PMM1: variants seen among roughly 807,000 people sequenced by gnomAD.
PMM1 encodes phosphomannomutase 1, also known as brain glucose-1,6-bisphosphatase.
A neutral mutation model predicts 34.0 loss-of-function variants in PMM1; 25 were observed. That is an observed-to-expected ratio of 0.73 (90% CI 0.54 to 1.03). The LOEUF (loss-of-function observed/expected upper bound fraction) is 1.03. Ranked by LOEUF, PMM1 falls within the 50% of genes least tolerant of loss-of-function variation. The pLI is 0.00. For missense variants in PMM1, 321 were observed against 350.1 expected, an observed-to-expected ratio of 0.92 and a Z score of 0.66; for synonymous variants, 134 against 143.9, an observed-to-expected ratio of 0.93 and a Z score of 0.49.
At chr22:41,577,705 A>G in intron 7 of PMM1, 103 bp downstream of exon 7, 2 of 869,126 alleles carry the variant, frequency 2.3e-6, no homozygotes, top group Non-Finnish European at 3.8e-6. Context: ...GTGTTGCCCC[A>G]TGTTCTGGCC....
intron 1 of PMM1, 62 bp from the exon 2 acceptor site, chr22:41,586,255 GC>G (rs2067306623): frequency 6.3e-7 from 1 of 1,594,204 alleles, no homozygotes; most frequent in Admixed American, 1.7e-5. Flanking sequence ...CCTCCACTTA[GC>G]CCTCACTTAG....
chr22:41,584,483 T>C (rs756494847), intron 3 of PMM1, 44 bp downstream of exon 3: 6 of 1,584,368 alleles, frequency 3.8e-6, no homozygotes, highest in Non-Finnish European at 5.2e-6. Flanking sequence ...TGCTCCACTA[T>C]GGAAAAGTGG....
intron 2 of PMM1, among the ~76,000 whole-genome samples, chr22:41,585,788 G>T (rs1448695591): frequency 1.3e-5 from 2 of 152,020 alleles, no homozygotes; most frequent in Non-Finnish European, 2.9e-5. Context: ...CCACTGTGCC[G>T]GCTGGTTCAG....
chr22:41,585,230 G>A (rs573697782), intron 2 of PMM1: 1 of 152,232 alleles, frequency 6.6e-6, no homozygotes, highest in East Asian at 1.9e-4. Flanking sequence ...AACAAGAGGT[G>A]GGGAAAAGGA....
intron 5 of PMM1, among the ~76,000 whole-genome samples, chr22:41,582,357 G>A (rs1452644755): frequency 1.3e-5 from 2 of 152,124 alleles, no homozygotes; most frequent in African/African-American, 4.8e-5. Flanking sequence ...TACTCAGGAG[G>A]CTGAGGTGTG....
At chr22:41,589,601 C>T (rs1056868858) in intron 1 of PMM1, 118 bp downstream of exon 1, 31 of 869,454 alleles carry the variant, frequency 3.6e-5, no homozygotes, top group Non-Finnish European at 5.5e-5. Flanking sequence ...CCGGGTACCG[C>T]CGCATCCCAC....
chr22:41,584,831 A>T (rs994401450), intron 2 of PMM1: 1 of 492,524 alleles, frequency 2.0e-6, no homozygotes, highest in Non-Finnish European at 3.6e-6. Context: ...GCATCCATGC[A>T]GGTCCTTCTG....
chr22:41,589,552 TC>T, intron 1 of PMM1, 166 bp downstream of exon 1: 1 of 621,042 alleles, frequency 1.6e-6, no homozygotes, highest in African/African-American at 1.8e-5. Context: ...GAGGGCCAGG[TC>T]CCCTCACTCC....
chr22:41,581,314 ACT>A (rs1173705667), intron 5 of PMM1, among the ~76,000 whole-genome samples: 1 of 150,524 alleles, frequency 6.6e-6, no homozygotes, highest in Non-Finnish European at 1.5e-5. Flanking sequence ...ACAGAGCAAG[ACT>A]CTATCAAGAA....
Position 41,577,937 on chromosome 22 carries a change from T to C in PMM1, c.551-14A>G, listed in dbSNP as rs1256847558. The C allele has an allele frequency of 1.3e-6, 2 of 1,585,718 alleles. No homozygotes were observed. The highest frequency in any genetic ancestry group is 3.3e-5 in the Admixed American group (2 of 59,840). ...TGATCATGCCTCCTGTGGGCAGGGG[T>C]GGGGACTGTTATTCCCTGCTGGGAG... is the stretch of plus-strand genomic sequence containing the variant. On this transcript the variant is annotated splice_polypyrimidine_tract_variant and intron_variant, in intron 6 of 7. Coordinates refer to ENST00000216259, the MANE Select transcript of PMM1 (RefSeq NM_002676.3).
rs192721665 is a variant in PMM1 at position 41,581,217 on chromosome 22, A to C, written c.475-2336T>G. ...CATGGGCCTGTAATCCCAGCTACTC[A>C]GGAGGCTGAGGCAGGAGAATTGCTT... On this transcript the variant is annotated intron_variant, in intron 5 of 7. Coordinates refer to ENST00000216259, the MANE Select transcript of PMM1 (RefSeq NM_002676.3). Among the ~76,000 whole-genome samples the C allele has an allele frequency of 1.9e-3, 292 of 150,212 alleles. 4 individuals are homozygous for C. The highest frequency in any genetic ancestry group is 6.8e-3 in the African/African-American group (276 of 40,790).
Position 41,589,729 on chromosome 22 carries a change from G to T in PMM1, c.77C>A (p.Pro26Gln), listed in dbSNP as rs1460803345. ...CLFDVDGTLT[P>Q]ARQKIDPEVA... is the part of the protein sequence containing the mutation. ...TCTTCAGGGTCCTACCTGGCGAGCC[G>T]GCGTGAGGGTCCCGTCCACGTCAAA... Residue 26 changes from proline (P) to glutamine (Q), a missense_variant, in exon 1 of 8, where the codon CCG (proline) becomes CAG (glutamine). Physicochemically the swap from Pro to Gln is moderately conservative, Grantham distance 76. Coordinates refer to ENST00000216259, the MANE Select transcript of PMM1 (RefSeq NM_002676.3). 1.2e-6 allele frequency: 2 copies of T among 1,611,356 alleles called. No individual in the cohort carries two copies. The highest frequency in any genetic ancestry group is 2.7e-5 in the African/African-American group (2 of 74,910).
chr22:41,581,053 T>C (rs1465192516), intron 5 of PMM1, among the ~76,000 whole-genome samples: 1 of 129,260 alleles, frequency 7.7e-6, no homozygotes, highest in Middle Eastern at 3.7e-3. Flanking sequence ...AGGCAGAGGT[T>C]GCAGCGAGCC....
intron 1 of PMM1, chr22:41,588,625 G>A (rs1361193261): frequency 2.1e-5 from 21 of 984,608 alleles, no homozygotes; most frequent in Non-Finnish European, 2.3e-5. Context: ...AAAGTGCTGG[G>A]ATTACAGGCG....
Position 41,577,883 on chromosome 22 carries a change from G to A in PMM1, c.591C>T (p.Asp197=). Residue 197 remains aspartate (D), a synonymous_variant, in exon 7 of 8, where the codon GAC becomes GAT. Coordinates refer to ENST00000216259, the MANE Select transcript of PMM1 (RefSeq NM_002676.3). ...CCAGGCTATCCAGGCAGTAGCGCTTGTCCCAGCCCTCGGGGAAGACGTCAA... is the reference window on the plus strand; with the variant it reads ...CCAGGCTATCCAGGCAGTAGCGCTTATCCCAGCCCTCGGGGAAGACGTCAA... ...ISFDVFPEGW[D]KRYCLDSLDQ... is the part of the protein sequence containing the mutation. The A allele has an allele frequency of 6.2e-7, 1 of 1,613,494 alleles. No individual in the cohort carries two copies. Among genetic ancestry groups the A allele is most frequent in the Non-Finnish European group, 8.5e-7 (1 of 1,179,952 alleles).
intron 5 of PMM1, 38 bp from the exon 6 acceptor site, chr22:41,578,919 C>G: frequency 6.3e-7 from 1 of 1,574,802 alleles, no homozygotes; most frequent in Non-Finnish European, 8.7e-7. Flanking sequence ...CTCAGAGGAC[C>G]TGCTGTGTGC....
At chr22:41,589,209 C>T in intron 1 of PMM1, 1 of 938,366 alleles carries the variant, frequency 1.1e-6, no homozygotes, top group South Asian at 1.4e-5. Flanking sequence ...AGAAACTAGA[C>T]CCAGTCCCAG....
Position 41,589,065 on chromosome 22 carries a change from C to T in PMM1, c.87+654G>A, listed in dbSNP as rs556768900. On this transcript the variant is annotated intron_variant, in intron 1 of 7. Transcript: ENST00000216259. ...CTAGACTCTTACCCTCACTATTCCT[C>T]AGTGTCCTCACAGCAAACAGGCTAG... 158 of 1,300,900 alleles carry T rather than the reference C, an allele frequency of 1.2e-4. 1 individual carries two copies. The African/African-American group carries it at 2.1e-3, about 17-fold the overall frequency. The allele number at this position is 1,300,900 out of a possible 1,614,324, so 80.6% of individuals were successfully genotyped here.
At chr22:41,579,165 C>T (rs1321653929) in intron 5 of PMM1, 1 of 410,202 alleles carries the variant, frequency 2.4e-6, no homozygotes, top group Non-Finnish European at 4.6e-6. Context: ...GTAGGAAGGG[C>T]GAGGAGACGG....
Sources: gnomAD v4.1 joint callset for allele counts (sites outside exome capture counted in the v4.1 genomes callset) on GRCh38, gnomAD v4.1.1 for gene constraint, MANE v1.5 for transcripts, NCBI Gene and HGNC (gene_info 2026-07-23, HGNC 2026-07-21) for gene names.